The following C5 variants were observed in gnomAD, a reference collection of about 807,000 sequenced individuals.
C5 encodes complement C5.
In C5, 140 loss-of-function variants were observed where a neutral mutation model predicts 218.8. The observed-to-expected ratio is 0.64, with a 90% CI of 0.56 to 0.74. The LOEUF (loss-of-function observed/expected upper bound fraction) is 0.74. Among genes scored for constraint, C5 ranks in the 30% least tolerant of loss-of-function variants. C5 has a pLI of 0.00. For synonymous variants in C5, 614 were observed against 682.3 expected, an observed-to-expected ratio of 0.90 and a Z score of 1.56; for missense variants, 1,700 against 1,969.6, an observed-to-expected ratio of 0.86 and a Z score of 2.59.
chr9:121,015,081 A>T, intron 16 of C5, 118 bp downstream of exon 16: 3 of 707,206 alleles, frequency 4.2e-6, no homozygotes, highest in Non-Finnish European at 5.0e-6. Context: ...ACCTCCATAC[A>T]TATCTTTCTT....
chr9:121,013,012 G>A (rs2047274688), intron 17 of C5, among the ~76,000 whole-genome samples: 1 of 152,060 alleles, frequency 6.6e-6, no homozygotes, highest in South Asian at 2.1e-4. Context: ...TTTTGCTTTT[G>A]CTTGTTTTGT....
At chr9:121,051,228 T>C (rs2047669144), upstream of C5, among the ~76,000 whole-genome samples, 1 of 151,824 alleles carries the variant, frequency 6.6e-6, no homozygotes, top group South Asian at 2.1e-4. Context: ...GTTCAAGGCA[T>C]TCTCCTGCCT....
chr9:120,982,723 C>G lies in C5; in HGVS notation c.3322G>C (p.Val1108Leu). 1 of 1,601,674 alleles carries G rather than the reference C, an allele frequency of 6.2e-7. No homozygotes were observed. The highest frequency in any genetic ancestry group is 1.1e-5 in the South Asian group (1 of 90,720). The change falls in exon 26 of 41, where the codon GTT becomes CTT. Residue 1108 changes from valine to leucine, a missense_variant. Transcript: ENST00000223642. Reference sequence around the variant, plus strand: ...CCATTATCTAATTGATAATTCTCAACTAGCCACAATAAAGAATTACAAATT... The same window carrying G: ...CCATTATCTAATTGATAATTCTCAAGTAGCCACAATAAAGAATTACAAATT... ...NSICNSLLWL[V>L]ENYQLDNGSF...
Position 121,021,643 on chromosome 9 carries a change from G to C in C5, c.1168C>G (p.Leu390Val), listed in dbSNP as rs763556527. Residue 390 changes from leucine to valine, a missense_variant, in exon 11 of 41, where the codon CTG becomes GTG. Physicochemically the swap from Leu to Val is conservative, Grantham distance 32. Transcript: ENST00000223642. ...TTTACATCAATTGTTTGTGCATTCA[G>C]TGTTACTGGGACTCCTCCTACCAAC... is the stretch of plus-strand genomic sequence containing the variant. ...DQLVGGVPVT[L>V]NAQTIDVNQE... 7 of 1,613,888 alleles carry C rather than the reference G, an allele frequency of 4.3e-6. No individual in the cohort carries two copies. The East Asian group carries it at 8.9e-5, about 21-fold the overall frequency.
chr9:121,001,432 G>A lies in C5; in HGVS notation c.2563-3658C>T, dbSNP rs530268682. ...AGGTTCAACATTGCTAGTAATCAGGGTAGTGAAATAGAAACATCAGTGACA... is the reference window on the plus strand; with the variant it reads ...AGGTTCAACATTGCTAGTAATCAGGATAGTGAAATAGAAACATCAGTGACA... On this transcript the variant is annotated intron_variant, in intron 20 of 40. Coordinates refer to ENST00000223642, the MANE Select transcript of C5 (RefSeq NM_001735.3). Among the ~76,000 whole-genome samples, 10 of 152,280 alleles carry A rather than the reference G, an allele frequency of 6.6e-5. No individual in the cohort carries two copies. In the South Asian group the frequency reaches 1.9e-3, roughly 28 times the overall value.
intron 28 of C5, among the ~76,000 whole-genome samples, chr9:120,977,497 C>A (rs1588173197): frequency 6.6e-6 from 1 of 152,114 alleles, no homozygotes; most frequent in East Asian, 1.9e-4. Context: ...TTGCTGGCAC[C>A]CAGGCTGGAG....
Position 120,969,051 on chromosome 9 carries a change from A to G in C5, c.4220+10T>C. 1 of 1,612,328 alleles carries G rather than the reference A, an allele frequency of 6.2e-7. No individual in the cohort carries two copies. The highest frequency in any genetic ancestry group is 8.5e-7 in the Non-Finnish European group (1 of 1,178,342). ...GGAGTCTATGCTCCCCTTTGTGGAAATAGGCTCACCTGGCACATGCTACTA... is the reference window on the plus strand; with the variant it reads ...GGAGTCTATGCTCCCCTTTGTGGAAGTAGGCTCACCTGGCACATGCTACTA... On this transcript the variant is annotated intron_variant, in intron 33 of 40. Coordinates refer to ENST00000223642, the MANE Select transcript of C5 (RefSeq NM_001735.3).
intron 16 of C5, among the ~76,000 whole-genome samples, 154 bp from the exon 17 acceptor site, chr9:121,014,224 C>A (rs2047287831): frequency 6.6e-6 from 1 of 152,138 alleles, no homozygotes; most frequent in Non-Finnish European, 1.5e-5. Context: ...CCCCTTGGAA[C>A]TATTCTAAGA....
At chr9:121,071,774 T>C in the C5 span, among the ~76,000 whole-genome samples, 1 of 152,302 alleles carries the variant, frequency 6.6e-6, no homozygotes, top group Admixed American at 6.5e-5. Flanking sequence ...AACTAGTCTG[T>C]TTCTTCTCTA....
At chr9:120,988,584 T>C (rs552017290) in intron 25 of C5, among the ~76,000 whole-genome samples, 6 of 152,142 alleles carry the variant, frequency 3.9e-5, no homozygotes, top group African/African-American at 1.2e-4. Flanking sequence ...GGAGATAAAG[T>C]AGGAGACATG....
rs545714459 is a variant in C5, at chr9:121,037,950, T to C, written c.423A>G (p.Val141=). 4.0e-5 allele frequency: 58 copies of C among 1,454,328 alleles called. No individual in the cohort carries two copies. The Admixed American group carries it at 4.1e-4, about 10-fold the overall frequency. The allele number at this position is 1,454,328 out of a possible 1,614,324, so 90.1% of individuals were successfully genotyped here. Residue 141 remains valine, a splice_region_variant and synonymous_variant, in exon 4 of 41, where the codon GTA becomes GTG. Coordinates refer to ENST00000223642, the MANE Select transcript of C5 (RefSeq NM_001735.3). ...CATTCAACGAATAAACTCTAACTTT[T>C]ACTGTAAGAATAATTGATATAATCA... is the stretch of plus-strand genomic sequence containing the variant. ...DKPVYTPDQS[V]KVRVYSLNDD... is the part of the protein sequence containing the mutation.
rs930755826 is a variant in C5 at position 121,014,242 on chromosome 9, G to T, written c.2060-172C>A. On this transcript the variant is annotated intron_variant, in intron 16 of 40. Coordinates refer to ENST00000223642, the MANE Select transcript of C5 (RefSeq NM_001735.3). ...CTTGGAACTATTCTAAGAATGGGGA[G>T]AATGTGACCTTACCAAATGGTCCAT... is the stretch of plus-strand genomic sequence containing the variant. Among the ~76,000 whole-genome samples the T allele has an allele frequency of 5.3e-5, 8 of 152,168 alleles. 1 individual carries two copies. Among genetic ancestry groups the T allele is most frequent in the Non-Finnish European group, 5.9e-5 (4 of 68,032 alleles).
intron 20 of C5, among the ~76,000 whole-genome samples, chr9:121,004,554 A>C (rs1345427333): frequency 6.6e-6 from 1 of 152,172 alleles, no homozygotes; most frequent in Non-Finnish European, 1.5e-5. Flanking sequence ...CAGGTGGGTC[A>C]CTTGAGGTCA....
Position 120,976,723 on chromosome 9 carries a change from C to T in C5, c.3841G>A (p.Gly1281Arg), listed in dbSNP as rs747665607. 1 of 1,614,096 alleles carries T rather than the reference C, an allele frequency of 6.2e-7. No homozygotes were observed. The highest frequency in any genetic ancestry group is 1.1e-5 in the South Asian group (1 of 91,082). The stretch of plus-strand genomic sequence containing the variant: ...ACCTGGGTTGAATAAAAGCCACCTC[C>T]ATACCTCTGCTCTTCTGATAGCCAT... Reference protein sequence around the residue: ...IKWLSEEQRYGGGFYSTQDTI... With the variant: ...IKWLSEEQRYRGGFYSTQDTI... Residue 1281 changes from glycine (G) to arginine (R), a missense_variant, in exon 29 of 41, where the codon GGA becomes AGA. Gly to Arg is a moderately radical substitution (Grantham distance 125). Coordinates refer to ENST00000223642, the MANE Select transcript of C5 (RefSeq NM_001735.3).
the C5 span, among the ~76,000 whole-genome samples, chr9:121,058,728 C>G: frequency 3.3e-5 from 5 of 152,224 alleles, no homozygotes; most frequent in Non-Finnish European, 7.3e-5. Flanking sequence ...CGTGAGCCAC[C>G]ATGCCCGGCC....
chr9:121,033,912 TC>T (rs2047500456), intron 5 of C5, among the ~76,000 whole-genome samples: 2 of 151,278 alleles, frequency 1.3e-5, no homozygotes, highest in African/African-American at 4.9e-5. Context: ...TTTCCTTCCT[TC>T]CTTCCTTCCT....
chr9:121,072,979 TAAGTAA>T, the C5 span, among the ~76,000 whole-genome samples: 1 of 152,112 alleles, frequency 6.6e-6, no homozygotes, highest in African/African-American at 2.4e-5. Context: ...GAATCACATT[TAAGTAA>T]AAGGAAAAGG....
In C5 at chr9:121,030,451, T is replaced by C. The variant is rs775464612; in HGVS notation, c.704A>G (p.Tyr235Cys). The change falls in exon 7 of 41, where the codon TAT (tyrosine) becomes TGT (cysteine). Residue 235 changes from tyrosine to cysteine, a missense_variant. Physicochemically the swap from Tyr to Cys is radical, Grantham distance 194. Transcript: ENST00000223642. ...AAAGTTCTTGTAACCAATGAAATTA[T>C]ATTCTGGCTCGATTGAGACAGAAAA... ...PHFSVSIEPE[Y>C]NFIGYKNFKN... The C allele has an allele frequency of 4.5e-6, 7 of 1,547,630 alleles. No individual in the cohort carries two copies. The highest frequency in any genetic ancestry group is 5.3e-6 in the Non-Finnish European group (6 of 1,142,690).
chr9:121,053,387 A>G (rs566351530), upstream of C5, among the ~76,000 whole-genome samples: 1 of 152,170 alleles, frequency 6.6e-6, no homozygotes, highest in African/African-American at 2.4e-5. Flanking sequence ...GTAACTCTCC[A>G]TGGGATATAG....
Sources: allele counts gnomAD v4.1 joint callset (sites outside exome capture counted in the v4.1 genomes callset), GRCh38; gene constraint gnomAD v4.1.1; transcripts MANE v1.5; gene names NCBI Gene and HGNC (gene_info 2026-07-23, HGNC 2026-07-21).